The following GRIP1 variants were observed in gnomAD, a reference collection of about 807,000 sequenced individuals.
The protein encoded by GRIP1 is glutamate receptor-interacting protein 1.
GRIP1 carries 45 observed loss-of-function variants against 129.9 expected under a neutral mutation model. The ratio of observed to expected loss-of-function variants is 0.35; its 90% CI spans 0.27 to 0.44. The LOEUF (loss-of-function observed/expected upper bound fraction) is 0.44, where lower values mean the gene tolerates loss of function less well. Ranked by LOEUF, GRIP1 falls within the 20% of genes least tolerant of loss-of-function variation. The pLI, the probability that GRIP1 is intolerant of heterozygous loss-of-function variation, is 1.00. For missense variants in GRIP1, 1,196 were observed against 1,396.8 expected (o/e 0.86, Z 2.29); for synonymous variants, 530 against 520.8 (o/e 1.02, Z -0.24).
intron 9 of GRIP1, 101 bp downstream of exon 9, chr12:66,462,823 A>G: frequency 6.1e-6 from 4 of 656,178 alleles, no homozygotes; most frequent in Admixed American, 5.5e-5. Flanking sequence ...AAAAAAAAAA[A>G]GGCAGAATGA....
In GRIP1 at chr12:66,484,023, C is replaced by G. The variant is rs995991177; in HGVS notation, c.725-18601G>C. 2.0e-5 allele frequency among the ~76,000 whole-genome samples: 3 copies of G among 151,850 alleles called. No individual in the cohort carries two copies. The South Asian group carries it at 6.3e-4, about 32-fold the overall frequency. On this transcript the variant is annotated intron_variant, in intron 7 of 24. Transcript: ENST00000359742. Reference sequence around the variant, plus strand: ...TACAGGCGCCCGCCACTACGCCCGGCTAATTTTTTGTATTTTTAGTAGAGA... The same window carrying G: ...TACAGGCGCCCGCCACTACGCCCGGGTAATTTTTTGTATTTTTAGTAGAGA...
intron 5 of GRIP1, among the ~76,000 whole-genome samples, chr12:66,524,008 G>C (rs1004707257): frequency 1.3e-5 from 2 of 152,096 alleles, no homozygotes; most frequent in African/African-American, 2.4e-5. Context: ...ACCCAATACA[G>C]GAGCACCCAG....
In GRIP1 at chr12:66,730,666, C is replaced by T. The variant is rs151048273; in HGVS notation, c.-420+73387G>A. Among the ~76,000 whole-genome samples the T allele has an allele frequency of 3.5e-3, 460 of 129,798 alleles. 1 individual carries two copies. Among genetic ancestry groups the T allele is most frequent in the African/African-American group, 0.013 (433 of 34,528 alleles). The allele number at this position is 129,798 out of a possible 152,430, so 85.2% of individuals were successfully genotyped here. On this transcript the variant is annotated intron_variant, in intron 1 of 4. Coordinates refer to the GRIP1 transcript ENST00000538373. Reference sequence around the variant, plus strand: ...TACAAGCCCAAAGCCTAAATGGATACTAGTCCAAAAATAAGATACCAAGAG... The same window carrying T: ...TACAAGCCCAAAGCCTAAATGGATATTAGTCCAAAAATAAGATACCAAGAG...
chr12:66,423,178 G>A (rs2057868438), intron 14 of GRIP1, among the ~76,000 whole-genome samples: 1 of 152,156 alleles, frequency 6.6e-6, no homozygotes, highest in African/African-American at 2.4e-5. Context: ...CAAAATCCTG[G>A]CTCTACCACT....
chr12:66,913,253 C>A (rs1160300685), intron 1 of GRIP1, among the ~76,000 whole-genome samples: 1 of 152,210 alleles, frequency 6.6e-6, no homozygotes, highest in Admixed American at 6.5e-5. Flanking sequence ...GCAATGTGGA[C>A]CTCCCAAAGT....
chr12:67,065,423 G>T (rs1565663730), intron 1 of GRIP1: 3 of 152,164 alleles, frequency 2.0e-5, no homozygotes, highest in Non-Finnish European at 4.4e-5. Flanking sequence ...AGGAAAAAAA[G>T]GCAAGGGGGT....
intron 1 of GRIP1, among the ~76,000 whole-genome samples, chr12:66,991,614 A>G (rs908009325): frequency 1.3e-5 from 2 of 152,238 alleles, no homozygotes; most frequent in Admixed American, 6.5e-5. Flanking sequence ...GGGCACAGCC[A>G]ATTTTTCAAT....
chr12:66,518,933 C>G (rs1253314201), intron 5 of GRIP1, among the ~76,000 whole-genome samples: 1 of 152,162 alleles, frequency 6.6e-6, no homozygotes, highest in Non-Finnish European at 1.5e-5. Context: ...TTGAACAATG[C>G]CAGTTTCCTT....
chr12:66,394,150 G>T, intron 17 of GRIP1, 58 bp downstream of exon 17: 2 of 1,477,836 alleles, frequency 1.4e-6, no homozygotes, highest in Non-Finnish European at 1.9e-6. Flanking sequence ...TTATGTGGTT[G>T]TGAGGAAGGA....
At chr12:66,788,368 A>C (rs1318593146) in intron 1 of GRIP1, among the ~76,000 whole-genome samples, 1 of 151,856 alleles carries the variant, frequency 6.6e-6, no homozygotes, top group Non-Finnish European at 1.5e-5. Flanking sequence ...TTGAACAATA[A>C]TATTTAACAT....
chr12:66,757,100 T>C (rs1238172198), intron 1 of GRIP1, among the ~76,000 whole-genome samples: 1 of 152,214 alleles, frequency 6.6e-6, no homozygotes, highest in African/African-American at 2.4e-5. Context: ...ATGTTACAAA[T>C]GATCTAATTA....
At chr12:66,916,830 A>G (rs914288144) in intron 1 of GRIP1, among the ~76,000 whole-genome samples, 4 of 152,194 alleles carry the variant, frequency 2.6e-5, no homozygotes, top group African/African-American at 7.2e-5. Flanking sequence ...CCTAGGATTG[A>G]AAGGCATTTA....
chr12:66,844,042 G>T (rs891550914), intron 1 of GRIP1, among the ~76,000 whole-genome samples: 2 of 152,134 alleles, frequency 1.3e-5, no homozygotes, highest in East Asian at 1.9e-4. Flanking sequence ...GAAAATATTT[G>T]TAAATCATGT....
intron 14 of GRIP1, among the ~76,000 whole-genome samples, chr12:66,431,426 G>A (rs146361321): frequency 8.5e-4 from 130 of 152,136 alleles, no homozygotes; most frequent in African/African-American, 3.0e-3. Context: ...TTGCAGTACC[G>A]TTCTTTTTAG....
chr12:66,352,389 G>A (rs575483459), intron 24 of GRIP1, among the ~76,000 whole-genome samples: 1 of 152,332 alleles, frequency 6.6e-6, no homozygotes, highest in South Asian at 2.1e-4. Context: ...GCAAAGGCCA[G>A]GAGGTGGCAG....
intron 1 of GRIP1, among the ~76,000 whole-genome samples, chr12:66,758,719 T>C (rs561479894): frequency 1.6e-4 from 24 of 152,176 alleles, no homozygotes; most frequent in Admixed American, 5.2e-4. Context: ...TGGGAGAAAT[T>C]GGCCCAAACA....
intron 1 of GRIP1, among the ~76,000 whole-genome samples, chr12:66,945,599 C>T (rs2041655822): frequency 6.6e-6 from 1 of 152,146 alleles, no homozygotes; most frequent in African/African-American, 2.4e-5. Context: ...TACTTTGAAA[C>T]AACCACATCT....
chr12:66,616,970 G>A (rs147749940), intron 1 of GRIP1, among the ~76,000 whole-genome samples: 9 of 152,136 alleles, frequency 5.9e-5, no homozygotes, highest in Non-Finnish European at 1.3e-4. Context: ...GGCCTCGGGC[G>A]TGCAGATGCA....
chr12:66,766,656 G>A (rs1380842196), intron 1 of GRIP1, among the ~76,000 whole-genome samples: 1 of 151,904 alleles, frequency 6.6e-6, no homozygotes, highest in Non-Finnish European at 1.5e-5. Context: ...CTTCCATGTA[G>A]GGAGATTCAG....
Sources: allele counts gnomAD v4.1 joint callset (sites outside exome capture counted in the v4.1 genomes callset), GRCh38; gene constraint gnomAD v4.1.1; transcripts MANE v1.5; gene names NCBI Gene and HGNC (gene_info 2026-07-23, HGNC 2026-07-21).